The following ADARB2 variants were observed in gnomAD, a reference collection of about 807,000 sequenced individuals.
The protein encoded by ADARB2 is adenosine deaminase RNA specific B2 (inactive), also known as inactive double-stranded RNA-specific editase B2.
Under a neutral mutation model 62.2 loss-of-function variants are expected in ADARB2, and 25 were observed. The ratio of observed to expected loss-of-function variants is 0.40; its 90% confidence interval spans 0.29 to 0.56. ADARB2 has a LOEUF of 0.56. ADARB2 is among the 20% of genes least tolerant of loss of function. The pLI is 0.43. For synonymous variants in ADARB2, 572 were observed against 500.8 expected (o/e 1.14, Z -1.90); for missense variants, 1,071 against 1,077.4 (o/e 0.99, Z 0.08).
intron 1 of ADARB2, among the ~76,000 whole-genome samples, chr10:1,680,667 C>T (rs932595004): frequency 3.0e-4 from 46 of 152,296 alleles, no homozygotes; most frequent in African/African-American, 1.1e-3. Flanking sequence ...GAGAAAGGCT[C>T]ATCTGTCATT....
chr10:1,446,556 A>T (rs897952381), intron 1 of ADARB2, among the ~76,000 whole-genome samples: 1 of 152,212 alleles, frequency 6.6e-6, no homozygotes, highest in Non-Finnish European at 1.5e-5. Context: ...GAAGGCATGC[A>T]GGGAGGCGGT....
At position 1,723,253 on chromosome 10, in the gene ADARB2, G is replaced by A. The variant is rs1292615181; in HGVS notation, c.100+13798C>T. Among the ~76,000 whole-genome samples, 33 of 152,192 alleles carry A rather than the reference G, an allele frequency of 2.2e-4. 1 individual carries two copies. Among genetic ancestry groups the A allele is most frequent in the Non-Finnish European group, 5.9e-5 (4 of 68,040 alleles). ...TCCAGCAGTGTCTTTTCTAAGTGGC[G>A]ATTCGCTCTACATTGCCCAGAGAAC... is the stretch of plus-strand genomic sequence containing the variant. On this transcript the variant is annotated intron_variant, in intron 1 of 9. Coordinates refer to ENST00000381312, the MANE Select transcript of ADARB2 (RefSeq NM_018702.4).
At chr10:1,360,697 G>A (rs542699392) in intron 3 of ADARB2, among the ~76,000 whole-genome samples, 5 of 152,184 alleles carry the variant, frequency 3.3e-5, no homozygotes, top group Non-Finnish European at 7.3e-5. Flanking sequence ...CTTGGACGCC[G>A]CGTGCAGAGC....
intron 6 of ADARB2, among the ~76,000 whole-genome samples, chr10:1,218,729 C>T (rs1040397818): frequency 4.6e-5 from 7 of 152,124 alleles, no homozygotes; most frequent in African/African-American, 1.7e-4. Context: ...GAATTGTTCT[C>T]ATGAGACCTG....
chr10:1,545,333 T>A (rs1832502819), intron 1 of ADARB2, among the ~76,000 whole-genome samples: 1 of 152,220 alleles, frequency 6.6e-6, no homozygotes, highest in Non-Finnish European at 1.5e-5. Flanking sequence ...TTTCTTATGT[T>A]TAAAGATAGT....
chr10:1,650,360 A>T (rs918409574), intron 1 of ADARB2, among the ~76,000 whole-genome samples: 2 of 152,172 alleles, frequency 1.3e-5, no homozygotes, highest in Non-Finnish European at 2.9e-5. Context: ...CAGCATCCAC[A>T]TTACCAGATG....
intron 1 of ADARB2, among the ~76,000 whole-genome samples, chr10:1,484,212 GAGA>G (rs1441907369): frequency 2.6e-5 from 4 of 152,216 alleles, no homozygotes; most frequent in African/African-American, 9.6e-5. Context: ...TCATTTGGCT[GAGA>G]AGGAGAAAAA....
chr10:1,258,367 T>C (rs983957457), intron 4 of ADARB2, among the ~76,000 whole-genome samples: 66 of 151,882 alleles, frequency 4.3e-4, no homozygotes, highest in Non-Finnish European at 8.1e-4. Flanking sequence ...GACTGGCAAA[T>C]TGGAAAAAGA....
At chr10:1,390,364 A>T (rs1410812325) in intron 1 of ADARB2, among the ~76,000 whole-genome samples, 2 of 152,210 alleles carry the variant, frequency 1.3e-5, no homozygotes, top group Admixed American at 1.3e-4. Flanking sequence ...AAGATGCTGT[A>T]TTTAGATGGG....
chr10:1,585,846 A>G (rs1037514402), intron 1 of ADARB2, among the ~76,000 whole-genome samples: 4 of 152,152 alleles, frequency 2.6e-5, no homozygotes, highest in Non-Finnish European at 2.9e-5. Context: ...CATCCTGGCT[A>G]ACACGGTGAA....
At chr10:1,245,217 T>A (rs1339888399) in intron 4 of ADARB2, among the ~76,000 whole-genome samples, 2 of 151,982 alleles carry the variant, frequency 1.3e-5, no homozygotes, top group Non-Finnish European at 2.9e-5. Flanking sequence ...TCCACAGGAT[T>A]TGGGAAATTT....
At chr10:1,188,748 C>T (rs866453079) in intron 8 of ADARB2, among the ~76,000 whole-genome samples, 9 of 152,294 alleles carry the variant, frequency 5.9e-5, no homozygotes, top group South Asian at 4.1e-4. Context: ...GCGGGAACCA[C>T]GGCCCAGATC....
In ADARB2 at chr10:1,606,008, A is replaced by G. The variant is rs140647403; in HGVS notation, c.100+131043T>C. ...CAGTCTAGTGATCACGATGTTTACC[A>G]ATCAATTTGTTAGTGATTTAGTTTA... On this transcript the variant is annotated intron_variant, in intron 1 of 9. Transcript: ENST00000381312. Among the ~76,000 whole-genome samples, 372 of 152,364 alleles carry G rather than the reference A, an allele frequency of 2.4e-3. 1 individual carries two copies. Among genetic ancestry groups the G allele is most frequent in the African/African-American group, 8.6e-3 (357 of 41,594 alleles).
chr10:1,498,649 A>G (rs1250593307), intron 1 of ADARB2, among the ~76,000 whole-genome samples: 5 of 152,240 alleles, frequency 3.3e-5, no homozygotes, highest in Admixed American at 3.3e-4. Context: ...TATAATAAAC[A>G]TGACACATGC....
intron 1 of ADARB2, among the ~76,000 whole-genome samples, chr10:1,628,182 C>T (rs1031282570): frequency 3.3e-5 from 5 of 152,252 alleles, no homozygotes; most frequent in African/African-American, 1.2e-4. Context: ...GCAGCCTCCT[C>T]TGGCCTCCCT....
chr10:1,685,785 G>C (rs1469559485), intron 1 of ADARB2, among the ~76,000 whole-genome samples: 1 of 152,226 alleles, frequency 6.6e-6, no homozygotes, highest in Non-Finnish European at 1.5e-5. Context: ...CTGGAATCAA[G>C]GTCCTGATGG....
chr10:1,733,953 C>G (rs971064966), intron 1 of ADARB2, among the ~76,000 whole-genome samples: 4 of 108,982 alleles, frequency 3.7e-5, no homozygotes, highest in Admixed American at 9.1e-5. Context: ...GGGATATGAA[C>G]GTTGCTTTGC....
intron 1 of ADARB2, among the ~76,000 whole-genome samples, chr10:1,472,237 C>T (rs1831332272): frequency 6.6e-6 from 1 of 152,246 alleles, no homozygotes; most frequent in African/African-American, 2.4e-5. Context: ...GCTGTGGCAT[C>T]ACCCAGGGAA....
At chr10:1,596,160 T>G (rs1291713718) in intron 1 of ADARB2, among the ~76,000 whole-genome samples, 1 of 152,240 alleles carries the variant, frequency 6.6e-6, no homozygotes, top group Non-Finnish European at 1.5e-5. Context: ...GATGATTGTC[T>G]TCTAAGAACT....
Sources: allele counts gnomAD v4.1 joint callset (sites outside exome capture counted in the v4.1 genomes callset), GRCh38; gene constraint gnomAD v4.1.1; transcripts MANE v1.5; gene names NCBI Gene and HGNC (gene_info 2026-07-23, HGNC 2026-07-21).